Variants in ACAP2 observed in about 807,000 individuals in gnomAD.
ACAP2 encodes ArfGAP with coiled-coil, ankyrin repeat and PH domains 2, also known as arf-GAP with coiled-coil, ANK repeat and PH domain-containing protein 2.
In ACAP2, 39 loss-of-function variants were observed where a neutral mutation model predicts 115.8. The ratio of observed to expected loss-of-function variants is 0.34; its 90% CI spans 0.26 to 0.44. The LOEUF (loss-of-function observed/expected upper bound fraction) is 0.44, where lower values mean the gene tolerates loss of function less well. Among genes scored for constraint, ACAP2 ranks in the 20% least tolerant of loss-of-function variants. The pLI, the probability that ACAP2 is intolerant of heterozygous loss-of-function variation, is 1.00. For missense variants in ACAP2, 662 were observed against 927.6 expected (o/e 0.71, Z 3.72); for synonymous variants, 289 against 315.8 (o/e 0.92, Z 0.90).
intron 1 of ACAP2, among the ~76,000 whole-genome samples, chr3:195,397,593 T>C (rs62288367): frequency 0.24 from 36,367 of 151,220 alleles, 5,107 homozygotes; most frequent in East Asian, 0.71. Flanking sequence ...TGAGAGGCAG[T>C]AGAATAAAGT....
At chr3:195,288,746 G>T (rs752176182) in intron 21 of ACAP2, among the ~76,000 whole-genome samples, 24 of 151,972 alleles carry the variant, frequency 1.6e-4, no homozygotes, top group South Asian at 1.3e-3. Context: ...TAATCCCAGC[G>T]ACTAGGGAGG....
chr3:195,378,724 G>A (rs576412884), intron 4 of ACAP2, among the ~76,000 whole-genome samples: 1 of 151,814 alleles, frequency 6.6e-6, no homozygotes, highest in South Asian at 2.1e-4. Flanking sequence ...AGCCAGGCAT[G>A]GTGGTACATG....
At chr3:195,300,062 T>C (rs1305326624) in intron 15 of ACAP2, among the ~76,000 whole-genome samples, 1 of 137,266 alleles carries the variant, frequency 7.3e-6, no homozygotes, top group East Asian at 2.0e-4. Context: ...TTTTTTTTTT[T>C]TTGAGACACA....
chr3:195,391,732 C>G (rs1285355522), intron 2 of ACAP2, among the ~76,000 whole-genome samples: 2 of 152,072 alleles, frequency 1.3e-5, no homozygotes, highest in Non-Finnish European at 2.9e-5. Context: ...CGATGGCTCA[C>G]TCCTATAATC....
intron 22 of ACAP2, chr3:195,279,866 A>C (rs1726375875): frequency 6.6e-6 from 1 of 152,526 alleles, no homozygotes; most frequent in African/African-American, 2.4e-5. Context: ...TAACAAGACA[A>C]ACTGATAATC....
intron 21 of ACAP2, 146 bp downstream of exon 21, chr3:195,288,975 T>G: frequency 1.7e-6 from 1 of 578,224 alleles, no homozygotes; most frequent in Non-Finnish European, 3.0e-6. Context: ...GTAAGTTATA[T>G]GTAAATACAT....
In ACAP2 at chr3:195,285,553, G is replaced by T. The variant is rs1180323890; in HGVS notation, c.2236+243C>A. 7.4e-6 allele frequency: 3 copies of T among 404,886 alleles called. No individual in the cohort carries two copies. The South Asian group carries it at 2.1e-4, about 28-fold the overall frequency. The allele number at this position is 404,886 out of a possible 1,614,324, so 25.1% of individuals were successfully genotyped here. On this transcript the variant is annotated intron_variant, in intron 22 of 22. Transcript: ENST00000326793. ...AAGTCAGCAGCCAGAGTGAAATAGAGCAAGTCAATGTGTACTGTCATAGGA... is the reference window on the plus strand; with the variant it reads ...AAGTCAGCAGCCAGAGTGAAATAGATCAAGTCAATGTGTACTGTCATAGGA...
intron 10 of ACAP2, among the ~76,000 whole-genome samples, chr3:195,320,357 C>T (rs1438574736): frequency 2.0e-5 from 3 of 152,188 alleles, no homozygotes; most frequent in African/African-American, 4.8e-5. Flanking sequence ...ATAATTTGTA[C>T]TCAAATCTAT....
chr3:195,431,474 G>A (rs569049396), intron 1 of ACAP2, among the ~76,000 whole-genome samples: 2 of 151,980 alleles, frequency 1.3e-5, no homozygotes, highest in Non-Finnish European at 2.9e-5. Flanking sequence ...GTCTCGCTCT[G>A]TCACCCAGGC....
intron 1 of ACAP2, among the ~76,000 whole-genome samples, chr3:195,397,434 C>T (rs1042346033): frequency 6.6e-6 from 1 of 152,070 alleles, no homozygotes; most frequent in Non-Finnish European, 1.5e-5. Context: ...CCTCTGTTTT[C>T]GACCAGAAAA....
At chr3:195,284,163 G>C (rs1185419603) in intron 22 of ACAP2, among the ~76,000 whole-genome samples, 1 of 152,120 alleles carries the variant, frequency 6.6e-6, no homozygotes, top group Non-Finnish European at 1.5e-5. Context: ...GGAAAGAGCA[G>C]CTAACCAAAC....
intron 10 of ACAP2, among the ~76,000 whole-genome samples, chr3:195,315,463 A>C (rs1729027366): frequency 6.6e-6 from 1 of 152,240 alleles, no homozygotes; most frequent in Admixed American, 6.5e-5. Flanking sequence ...TTTTAAAATG[A>C]AGTATTTTTT....
At chr3:195,329,792 A>G (rs550198424) in intron 8 of ACAP2, among the ~76,000 whole-genome samples, 1 of 152,226 alleles carries the variant, frequency 6.6e-6, no homozygotes, top group Non-Finnish European at 1.5e-5. Context: ...TTCCCTTTGA[A>G]AGACTTTTCC....
chr3:195,313,102 G>A (rs1297986153), intron 10 of ACAP2: 1 of 152,228 alleles, frequency 6.6e-6, no homozygotes, highest in East Asian at 1.9e-4. Flanking sequence ...ACAAGCTTAA[G>A]CTCTGAACCT....
chr3:195,397,642 T>C (rs1486023503), intron 1 of ACAP2, among the ~76,000 whole-genome samples: 1 of 152,068 alleles, frequency 6.6e-6, no homozygotes, highest in Non-Finnish European at 1.5e-5. Flanking sequence ...TTTGAATCGC[T>C]ACTATACTTC....
chr3:195,397,350 C>T (rs1711879895), intron 1 of ACAP2, among the ~76,000 whole-genome samples: 1 of 152,024 alleles, frequency 6.6e-6, no homozygotes, highest in Non-Finnish European at 1.5e-5. Context: ...GCCCACTGAC[C>T]CAAGGGCAGT....
chr3:195,306,541 A>G lies in ACAP2; in HGVS notation c.1086T>C (p.Thr362=), dbSNP rs764509347. Residue 362 remains threonine (T), a synonymous_variant, in exon 13 of 23, where the codon ACT becomes ACC. Coordinates refer to ENST00000326793, the MANE Select transcript of ACAP2 (RefSeq NM_012287.6). The part of the protein sequence containing the change: ...WIKAVQTSIA[T]AYREKGDESE... ...ATTCATCACCCTTCTCTCTATAAGC[A>G]GTAGCAATACTGGTCTGAACAGCCT... 66 of 1,612,770 alleles carry G rather than the reference A, an allele frequency of 4.1e-5. No individual in the cohort carries two copies. The highest frequency in any genetic ancestry group is 5.5e-5 in the Non-Finnish European group (65 of 1,179,468).
At position 195,370,497 on chromosome 3, in the gene ACAP2, G is replaced by A. The variant is rs531621655; in HGVS notation, c.285+10512C>T. On this transcript the variant is annotated intron_variant, in intron 4 of 22. Coordinates refer to ENST00000326793, the MANE Select transcript of ACAP2 (RefSeq NM_012287.6). ...ATCTCAGCACCATTTACTGAATAGG[G>A]AAGTCCTTTCCCTCATTACTTGTTT... Among the ~76,000 whole-genome samples, 5 of 152,252 alleles carry A rather than the reference G, an allele frequency of 3.3e-5. No homozygotes were observed. In the East Asian group the frequency reaches 7.7e-4, roughly 23 times the overall value.
At position 195,435,247 on chromosome 3, in the gene ACAP2, T is replaced by C. The variant is rs137882796; in HGVS notation, c.53+7548A>G. Among the ~76,000 whole-genome samples, 67 of 151,526 alleles carry C rather than the reference T, an allele frequency of 4.4e-4. 3 individuals carry two copies. The highest frequency in any genetic ancestry group is 1.6e-3 in the African/African-American group (66 of 40,862). On this transcript the variant is annotated intron_variant, in intron 1 of 22. Coordinates refer to ENST00000326793, the MANE Select transcript of ACAP2 (RefSeq NM_012287.6). Reference sequence around the variant, plus strand: ...TGAAGTGCAGTGGCGTACTCTTGGCTCACTGCAACCTCTGCCCCCCGGGTT... The same window carrying C: ...TGAAGTGCAGTGGCGTACTCTTGGCCCACTGCAACCTCTGCCCCCCGGGTT...
Sources: gnomAD v4.1 joint callset for allele counts (sites outside exome capture counted in the v4.1 genomes callset) on GRCh38, gnomAD v4.1.1 for gene constraint, MANE v1.5 for transcripts, NCBI Gene and HGNC (gene_info 2026-07-23, HGNC 2026-07-21) for gene names.